TPP2: variants seen among roughly 807,000 people sequenced by gnomAD.
The protein encoded by TPP2 is tripeptidyl-peptidase 2.
A neutral mutation model predicts 155.9 loss-of-function variants in TPP2; 34 were observed. The ratio of observed to expected loss-of-function variants is 0.22; its 90% CI spans 0.17 to 0.29. The LOEUF (loss-of-function observed/expected upper bound fraction) is 0.29, where lower values mean the gene tolerates loss of function less well. TPP2 is among the 10% of genes least tolerant of loss of function. The probability of loss-of-function intolerance (pLI) is 1.00; values close to 1 mark genes in which losing one functional copy is unlikely to be tolerated. For synonymous variants in TPP2, 510 were observed against 529.4 expected (o/e 0.96, Z 0.50); for missense variants, 1,028 against 1,522.3 (o/e 0.68, Z 5.40).
intron 21 of TPP2, among the ~76,000 whole-genome samples, chr13:102,647,900 A>C (rs1179463410): frequency 2.0e-5 from 3 of 152,238 alleles, no homozygotes; most frequent in African/African-American, 7.2e-5. Flanking sequence ...ATATTACTGC[A>C]AAGAAATGAG....
chr13:102,644,534 A>G (rs1383567327), intron 17 of TPP2, 23 bp from the exon 18 acceptor site: 3 of 1,546,078 alleles, frequency 1.9e-6, no homozygotes, highest in East Asian at 4.5e-5. Context: ...AAAGAGATAT[A>G]TTTTATTTAC....
chr13:102,676,450 A>G, intron 29 of TPP2, 35 bp downstream of exon 29: 5 of 1,600,036 alleles, frequency 3.1e-6, no homozygotes, highest in Non-Finnish European at 4.3e-6. Context: ...GTTAAGCATC[A>G]CTTTGATATT....
intron 21 of TPP2, 76 bp from the exon 22 acceptor site, chr13:102,648,831 C>A (rs908540551): frequency 2.0e-6 from 3 of 1,501,052 alleles, no homozygotes; most frequent in Non-Finnish European, 2.7e-6. Context: ...TGGTAACTTT[C>A]ACTTTATCCT....
intron 1 of TPP2, among the ~76,000 whole-genome samples, chr13:102,598,757 T>C (rs1879192174): frequency 6.6e-6 from 1 of 152,202 alleles, no homozygotes. Flanking sequence ...TGGTAGAATT[T>C]GTTGGTAGAA....
chr13:102,653,840 A>G (rs920419691), intron 24 of TPP2, among the ~76,000 whole-genome samples: 15 of 152,188 alleles, frequency 9.9e-5, no homozygotes, highest in Non-Finnish European at 1.3e-4. Flanking sequence ...TTGAACCACA[A>G]TTTAACTTAT....
At chr13:102,656,315 T>G (rs906545990) in intron 24 of TPP2, among the ~76,000 whole-genome samples, 1 of 152,190 alleles carries the variant, frequency 6.6e-6, no homozygotes, top group Non-Finnish European at 1.5e-5. Context: ...CCATATTCTG[T>G]CAAGCCCTAC....
At chr13:102,627,456 G>A (rs890582353) in intron 7 of TPP2, among the ~76,000 whole-genome samples, 4 of 152,026 alleles carry the variant, frequency 2.6e-5, no homozygotes, top group Admixed American at 2.0e-4. Flanking sequence ...CTCTTAGCCA[G>A]CTTTCTCCAT....
intron 23 of TPP2, among the ~76,000 whole-genome samples, chr13:102,650,984 TA>T (rs1432299652): frequency 6.6e-6 from 1 of 152,232 alleles, no homozygotes; most frequent in Non-Finnish European, 1.5e-5. Context: ...ACTTTCACAG[TA>T]ACTTTGTTGC....
intron 10 of TPP2, among the ~76,000 whole-genome samples, chr13:102,632,045 G>A (rs545044215): frequency 5.9e-5 from 9 of 152,254 alleles, no homozygotes; most frequent in African/African-American, 2.2e-4. Flanking sequence ...CTTGAGGTCA[G>A]GAGTTCAAGA....
At chr13:102,622,125 T>C (rs559807757) in intron 5 of TPP2, among the ~76,000 whole-genome samples, 39 of 152,362 alleles carry the variant, frequency 2.6e-4, no homozygotes, top group Admixed American at 6.5e-4. Context: ...CATCTCTCTG[T>C]GCTCTACCAG....
intron 25 of TPP2, among the ~76,000 whole-genome samples, chr13:102,661,977 A>G (rs1390237954): frequency 1.3e-5 from 2 of 152,236 alleles, no homozygotes; most frequent in Non-Finnish European, 2.9e-5. Context: ...TGTTGATGAC[A>G]GTTTATAGCA....
At chr13:102,656,931 A>C (rs1566362619) in intron 24 of TPP2, 125 bp from the exon 25 acceptor site, 1 of 1,003,094 alleles carries the variant, frequency 1.0e-6, no homozygotes, top group Non-Finnish European at 1.4e-6. Flanking sequence ...GACCCTTAGA[A>C]TCTAGAATAC....
intron 10 of TPP2, 86 bp downstream of exon 10, chr13:102,630,281 C>T: frequency 3.0e-6 from 3 of 994,984 alleles, no homozygotes; most frequent in East Asian, 2.6e-5. Context: ...GATAAGTTTG[C>T]TAGTTTTTTT....
intron 1 of TPP2, among the ~76,000 whole-genome samples, chr13:102,601,149 T>G (rs928896484): frequency 1.3e-5 from 2 of 152,196 alleles, no homozygotes; most frequent in African/African-American, 4.8e-5. Flanking sequence ...TCATCATCTC[T>G]CTACTTACTT....
intron 2 of TPP2, among the ~76,000 whole-genome samples, chr13:102,611,081 T>C (rs1229037920): frequency 2.6e-5 from 4 of 152,220 alleles, no homozygotes; most frequent in Admixed American, 2.6e-4. Context: ...ATTTTTCCCT[T>C]GGTGTTGTGA....
intron 1 of TPP2, among the ~76,000 whole-genome samples, chr13:102,600,243 T>G (rs757046929): frequency 7.2e-5 from 11 of 152,204 alleles, no homozygotes; most frequent in Non-Finnish European, 1.3e-4. Context: ...CAGGTCTTTT[T>G]GCCAATACAT....
intron 17 of TPP2, 144 bp downstream of exon 17, chr13:102,643,520 A>T: frequency 1.2e-6 from 1 of 834,690 alleles, no homozygotes; most frequent in Non-Finnish European, 1.7e-6. Context: ...AAAATGAAGT[A>T]GAAAAATAGA....
intron 1 of TPP2, among the ~76,000 whole-genome samples, chr13:102,598,703 G>A (rs1879188161): frequency 6.6e-6 from 1 of 152,172 alleles, no homozygotes; most frequent in Non-Finnish European, 1.5e-5. Context: ...CGGTTCTTTT[G>A]TCAGGATAAT....
chr13:102,614,241 T>G, intron 3 of TPP2, 45 bp downstream of exon 3: 1 of 1,438,784 alleles, frequency 7.0e-7, no homozygotes, highest in Non-Finnish European at 9.5e-7. Flanking sequence ...TTCTGACTTG[T>G]CTTCTTCCTC....
Sources: gnomAD v4.1 joint callset for allele counts (sites outside exome capture counted in the v4.1 genomes callset) on GRCh38, gnomAD v4.1.1 for gene constraint, MANE v1.5 for transcripts, NCBI Gene and HGNC (gene_info 2026-07-23, HGNC 2026-07-21) for gene names.